Variants in COL21A1 observed in about 807,000 individuals in gnomAD.
COL21A1 encodes the protein collagen alpha-1(XXI) chain.
In COL21A1, 149 loss-of-function variants were observed where a neutral mutation model predicts 137.9. That is an observed-to-expected ratio of 1.08 (90% CI 0.95 to 1.24). The LOEUF (loss-of-function observed/expected upper bound fraction) is 1.24. COL21A1 is among the 50% of genes most tolerant of loss of function. The pLI, the probability that COL21A1 is intolerant of heterozygous loss-of-function variation, is 0.00. For synonymous variants in COL21A1, 456 were observed against 391.5 expected, an observed-to-expected ratio of 1.16 and a Z score of -1.95; for missense variants, 1,167 against 1,158.4, an observed-to-expected ratio of 1.01 and a Z score of -0.11.
intron 9 of COL21A1, among the ~76,000 whole-genome samples, chr6:56,163,481 C>A (rs1429924042): frequency 1.3e-5 from 2 of 152,208 alleles, no homozygotes; most frequent in South Asian, 4.1e-4. Context: ...GAGGTGGAGG[C>A]GGGCGGATCA....
chr6:56,250,676 T>C (rs900434962), upstream of COL21A1, among the ~76,000 whole-genome samples: 2 of 152,156 alleles, frequency 1.3e-5, no homozygotes, highest in African/African-American at 2.4e-5. Context: ...TTCTAGCCCA[T>C]AGAAACTGTG....
intron 20 of COL21A1, among the ~76,000 whole-genome samples, chr6:56,071,378 G>C (rs143908354): frequency 3.7e-4 from 56 of 151,710 alleles, no homozygotes; most frequent in African/African-American, 1.3e-3. Context: ...AGGAAAAGTG[G>C]ATAGAGAAAG....
At chr6:56,241,007 T>C (rs1342732207) in intron 1 of COL21A1, among the ~76,000 whole-genome samples, 1 of 152,146 alleles carries the variant, frequency 6.6e-6, no homozygotes, top group Non-Finnish European at 1.5e-5. Flanking sequence ...CTTTCCCTTT[T>C]CAACCCTGCT....
chr6:56,140,380 G>A (rs1195136613), intron 12 of COL21A1, among the ~76,000 whole-genome samples: 1 of 152,118 alleles, frequency 6.6e-6, no homozygotes, highest in Non-Finnish European at 1.5e-5. Context: ...AAGTCAGAAA[G>A]AAAGCACATC....
intron 16 of COL21A1, among the ~76,000 whole-genome samples, chr6:56,122,670 T>C (rs2152209038): frequency 6.6e-6 from 1 of 152,284 alleles, no homozygotes; most frequent in East Asian, 1.9e-4. Flanking sequence ...TGAACTGATG[T>C]TTACATTTGC....
chr6:56,179,684 T>C lies in COL21A1; in HGVS notation c.534A>G (p.Glu178=). 1 of 1,613,998 alleles carries C rather than the reference T, an allele frequency of 6.2e-7. No individual in the cohort carries two copies. The highest frequency in any genetic ancestry group is 8.5e-7 in the Non-Finnish European group (1 of 1,179,888). ...AAGGCTTGTTGGCAATAGCTCTAAG[T>C]TCGGCATCTTCTGTTTCTGAACCAA... is the stretch of plus-strand genomic sequence containing the variant. ...IGVGSETEDA[E]LRAIANKPSS... The change falls in exon 3 of 30, where the codon GAA becomes GAG. Residue 178 remains glutamate (E), a synonymous_variant. Transcript: ENST00000244728.
intron 1 of COL21A1, among the ~76,000 whole-genome samples, chr6:56,343,536 T>C (rs1765517082): frequency 6.6e-6 from 1 of 152,222 alleles, no homozygotes; most frequent in Non-Finnish European, 1.5e-5. Context: ...TGAATGACTA[T>C]CTGTTTTTGT....
intron 1 of COL21A1, among the ~76,000 whole-genome samples, chr6:56,213,252 A>G (rs774396330): frequency 6.6e-6 from 1 of 152,168 alleles, no homozygotes; most frequent in Non-Finnish European, 1.5e-5. Flanking sequence ...AAATACAAAT[A>G]TGTAGTATTG....
At chr6:56,263,538 T>C (rs900139430) in intron 1 of COL21A1, among the ~76,000 whole-genome samples, 2 of 152,182 alleles carry the variant, frequency 1.3e-5, no homozygotes, top group African/African-American at 4.8e-5. Flanking sequence ...GTGAAAAAGA[T>C]GCCTAAGCTG....
Position 56,057,730 on chromosome 6 carries a change from C to A in COL21A1, c.2801G>T (p.Gly934Val). Residue 934 changes from glycine to valine, a missense_variant, in exon 30 of 30, where the codon GGC becomes GTC. Physicochemically the swap from Gly to Val is moderately radical, Grantham distance 109 (BLOSUM62 -3). Coordinates refer to ENST00000244728, the MANE Select transcript of COL21A1 (RefSeq NM_030820.4). The stretch of plus-strand genomic sequence containing the variant: ...AAAACATAGTGATGGGTCGCAGATG[C>A]CTGGGGGGCCTGGTTGCCCTTGGAT... ...PGIQGQPGPP[G>V]ICDPSLCFSV... is the part of the protein sequence containing the mutation. 1 of 1,612,814 alleles carries A rather than the reference C, an allele frequency of 6.2e-7. No individual in the cohort carries two copies. Among genetic ancestry groups the A allele is most frequent in the Non-Finnish European group, 8.5e-7 (1 of 1,179,436 alleles).
intron 12 of COL21A1, among the ~76,000 whole-genome samples, chr6:56,136,355 T>G (rs1431788881): frequency 6.6e-6 from 1 of 152,220 alleles, no homozygotes; most frequent in Non-Finnish European, 1.5e-5. Context: ...AATAATTTGC[T>G]GAATATACAG....
intron 1 of COL21A1, among the ~76,000 whole-genome samples, chr6:56,192,383 A>C (rs1419746279): frequency 6.6e-6 from 1 of 151,878 alleles, no homozygotes; most frequent in African/African-American, 2.4e-5. Context: ...TTCTGCAAAG[A>C]AAAAGAAACT....
At chr6:56,376,963 G>A (rs931210898) in intron 1 of COL21A1, among the ~76,000 whole-genome samples, 6 of 141,392 alleles carry the variant, frequency 4.2e-5, no homozygotes, top group South Asian at 2.3e-4. Flanking sequence ...AGAGTCACAC[G>A]AGAGGTAGAA....
chr6:56,220,532 ATGTTT>A (rs1247046877), intron 1 of COL21A1, among the ~76,000 whole-genome samples: 1 of 152,152 alleles, frequency 6.6e-6, no homozygotes, highest in African/African-American at 2.4e-5. Context: ...CGAAAACTTT[ATGTTT>A]TATTTAAGAA....
At chr6:56,085,218 A>G (rs1235849025) in intron 17 of COL21A1, among the ~76,000 whole-genome samples, 1 of 152,064 alleles carries the variant, frequency 6.6e-6, no homozygotes, top group Non-Finnish European at 1.5e-5. Flanking sequence ...AAAAATAATA[A>G]CCTAAAAATT....
chr6:56,320,887 G>A (rs1459683914), intron 1 of COL21A1, among the ~76,000 whole-genome samples: 1 of 151,794 alleles, frequency 6.6e-6, no homozygotes, highest in Non-Finnish European at 1.5e-5. Context: ...TGACCAATAT[G>A]TACTCATTAA....
At chr6:56,331,131 T>C (rs959106920) in intron 1 of COL21A1, among the ~76,000 whole-genome samples, 1 of 152,134 alleles carries the variant, frequency 6.6e-6, no homozygotes, top group East Asian at 1.9e-4. Flanking sequence ...TTTGCCCACT[T>C]TTTAATGGAG....
intron 1 of COL21A1, among the ~76,000 whole-genome samples, chr6:56,237,604 G>A (rs1050247404): frequency 3.3e-5 from 5 of 152,022 alleles, no homozygotes; most frequent in Non-Finnish European, 5.9e-5. Flanking sequence ...TATCCAAAGT[G>A]GCATAGAATA....
intron 12 of COL21A1, 149 bp from the exon 13 acceptor site, chr6:56,126,298 GA>G: frequency 1.7e-6 from 1 of 575,448 alleles, no homozygotes; most frequent in South Asian, 2.2e-5. Flanking sequence ...TTATCTCTAT[GA>G]AAAATTATCC....
Sources: allele counts gnomAD v4.1 joint callset (sites outside exome capture counted in the v4.1 genomes callset), GRCh38; gene constraint gnomAD v4.1.1; transcripts MANE v1.5; gene names NCBI Gene and HGNC (gene_info 2026-07-23, HGNC 2026-07-21).